PPP2R3B: variants seen among roughly 807,000 people sequenced by gnomAD.
PPP2R3B encodes the protein serine/threonine-protein phosphatase 2A regulatory subunit B'' subunit beta.
In PPP2R3B, 68 loss-of-function variants were observed where a neutral mutation model predicts 72.9. That is an observed-to-expected ratio of 0.93 (90% CI 0.77 to 1.14). PPP2R3B has a LOEUF of 1.14. Ranked by LOEUF, PPP2R3B falls within the 50% of genes most tolerant of loss-of-function variation. The pLI is 0.00. For synonymous variants in PPP2R3B, 466 were observed against 375.8 expected, an observed-to-expected ratio of 1.24 and a Z score of -2.78; for missense variants, 1,018 against 842.0, an observed-to-expected ratio of 1.21 and a Z score of -2.59.
In PPP2R3B at chrX:333,943, G is replaced by A. The variant is rs985387593; in HGVS notation, c.*424C>T. 4.3e-4 allele frequency: 69 copies of A among 159,852 alleles called. No individual in the cohort carries two copies. Among genetic ancestry groups the A allele is most frequent in the African/African-American group, 1.5e-3 (61 of 41,934 alleles). 9.9% of individuals were successfully genotyped at this position (159,852 alleles called of 1,614,324 possible). ...GCCCGTGACTGAAAATCCTCCAAACGTACAAGCGTGATCGCCAGAAACGGT... is the reference window on the plus strand; with the variant it reads ...GCCCGTGACTGAAAATCCTCCAAACATACAAGCGTGATCGCCAGAAACGGT... On this transcript the variant is annotated 3_prime_UTR_variant, in exon 13 of 13. Transcript: ENST00000390665.
chrX:338,465 C>T, intron 12 of PPP2R3B, 139 bp downstream of exon 12: 1 of 846,908 alleles, frequency 1.2e-6, no homozygotes, highest in Admixed American at 2.1e-5. Flanking sequence ...TCACCCCGCC[C>T]CTCTGTGTCC....
At chrX:360,033 T>C (rs1207320614) in intron 2 of PPP2R3B, among the ~76,000 whole-genome samples, 1 of 152,180 alleles carries the variant, frequency 6.6e-6, no homozygotes, top group African/African-American at 2.4e-5. Context: ...CAGACCCGTA[T>C]TGCCCTAAAA....
At position 356,822 on chromosome X, in the gene PPP2R3B, C is replaced by CA. The variant is rs1267223509; in HGVS notation, c.510+4582_510+4583insT. Among the ~76,000 whole-genome samples the CA allele has an allele frequency of 1.3e-3, 106 of 80,094 alleles. 10 individuals are homozygous for CA. The highest frequency in any genetic ancestry group is 5.0e-3 in the African/African-American group (88 of 17,688). 52.5% of individuals were successfully genotyped at this position (80,094 alleles called of 152,430 possible). A position where few individuals can be genotyped will look rare whatever the true frequency, so the allele number is the denominator to read the frequency against. ...AGTATCCACACCCTGGCCAGCCACA[C>CA]GGGAGCCCCACGGTAACCACGCCTT... On this transcript the variant is annotated intron_variant, in intron 2 of 12. Coordinates refer to ENST00000390665, the MANE Select transcript of PPP2R3B (RefSeq NM_013239.5).
At chrX:346,372 C>A in intron 5 of PPP2R3B, 112 bp from the exon 6 acceptor site, 2 of 1,064,692 alleles carry the variant, frequency 1.9e-6, no homozygotes, top group South Asian at 1.4e-5. Context: ...CCGCACGGGG[C>A]CGCCAGGGCA....
intron 2 of PPP2R3B, among the ~76,000 whole-genome samples, chrX:348,939 A>G (rs2071276506): frequency 6.6e-6 from 1 of 152,182 alleles, no homozygotes; most frequent in Non-Finnish European, 1.5e-5. Context: ...GGTCAGGGAC[A>G]CAGGAAGTCA....
At chrX:373,688 G>T in intron 1 of PPP2R3B, 1 of 166,410 alleles carries the variant, frequency 6.0e-6, no homozygotes. Context: ...TCCGCGGGCC[G>T]GGCCGGGCGC....
intron 1 of PPP2R3B, among the ~76,000 whole-genome samples, chrX:362,012 CGT>C (rs2071552286): frequency 6.6e-6 from 1 of 152,172 alleles, no homozygotes; most frequent in Admixed American, 6.5e-5. Context: ...AGAGCTCAGA[CGT>C]GGAGAGGCAC....
chrX:334,456 G>C lies in PPP2R3B; in HGVS notation c.1639C>G (p.Gln547Glu), dbSNP rs377631934. The C allele has an allele frequency of 6.3e-7, 1 of 1,595,306 alleles. No individual in the cohort carries two copies. Among genetic ancestry groups the C allele is most frequent in the African/African-American group, 1.4e-5 (1 of 73,968 alleles). Residue 547 changes from glutamine (Q) to glutamate (E), a missense_variant, in exon 13 of 13, where the codon CAG becomes GAG. Transcript: ENST00000390665. ...KLSALRSPLAQRPFFEAPSPL... is the reference protein window; with the variant it reads ...KLSALRSPLAERPFFEAPSPL... Reference sequence around the variant, plus strand: ...GAGGGCGCCTCGAAGAAGGGCCTCTGGGCCAGCGGGGAGCGCAGCGCACTC... The same window carrying C: ...GAGGGCGCCTCGAAGAAGGGCCTCTCGGCCAGCGGGGAGCGCAGCGCACTC...
At chrX:340,724 T>C (rs1569378504) in intron 10 of PPP2R3B, 41 bp downstream of exon 10, 2 of 1,606,322 alleles carry the variant, frequency 1.2e-6, no homozygotes, top group East Asian at 2.2e-5. Flanking sequence ...CTCTCGCCCG[T>C]CCGTCCCCTC....
rs368716257 is a variant in PPP2R3B, at chrX:363,286, G to C, written c.325-1696C>G. 3.1e-3 allele frequency among the ~76,000 whole-genome samples: 361 copies of C among 118,332 alleles called. 3 individuals carry two copies. Among genetic ancestry groups the C allele is most frequent in the African/African-American group, 7.8e-3 (195 of 25,014 alleles). 77.6% of individuals were successfully genotyped at this position (118,332 alleles called of 152,430 possible). On this transcript the variant is annotated intron_variant, in intron 1 of 12. Coordinates refer to ENST00000390665, the MANE Select transcript of PPP2R3B (RefSeq NM_013239.5). ...CCGCAGTGCATCTCCCCGAGCCCACGATCCCGCAGTGCATCTCCCCGAGCC... is the reference window on the plus strand; with the variant it reads ...CCGCAGTGCATCTCCCCGAGCCCACCATCCCGCAGTGCATCTCCCCGAGCC...
Position 334,259 on chromosome X carries a change from C to T in PPP2R3B, c.*108G>A. ...CTTCTGTGAATAAATAAAAGTTTAT[C>T]ATTCCGTACAAACGCACTCATTTTC... On this transcript the variant is annotated 3_prime_UTR_variant, in exon 13 of 13. Coordinates refer to ENST00000390665, the MANE Select transcript of PPP2R3B (RefSeq NM_013239.5). 1 of 1,239,322 alleles carries T rather than the reference C, an allele frequency of 8.1e-7. No individual in the cohort carries two copies. The allele number at this position is 1,239,322 out of a possible 1,614,324, so 76.8% of individuals were successfully genotyped here.
At chrX:386,248 C>T in intron 1 of PPP2R3B, 120 bp downstream of exon 1, 1 of 770,862 alleles carries the variant, frequency 1.3e-6, no homozygotes, top group Non-Finnish European at 1.8e-6. Flanking sequence ...GGGGAACAGA[C>T]TCAATATGAA....
At position 340,750 on chromosome X, in the gene PPP2R3B, C is replaced by T; in HGVS notation, c.1351+15G>A. 6.2e-7 allele frequency: 1 copy of T among 1,609,588 alleles called. No homozygotes were observed. The highest frequency in any genetic ancestry group is 8.5e-7 in the Non-Finnish European group (1 of 1,178,190). On this transcript the variant is annotated intron_variant, in intron 10 of 12. Coordinates refer to ENST00000390665, the MANE Select transcript of PPP2R3B (RefSeq NM_013239.5). ...CCGTCCCCTCACCCTGGGCCATGCC[C>T]TCACGGGGCATCACCTTCAGTCCTC...
At position 386,540 on chromosome X, in the gene PPP2R3B, TC is replaced by T. The variant is rs1304295545; in HGVS notation, c.151del (p.Asp51ThrfsTer58). The part of the protein sequence containing the change: ...APGRDQPTPG[D>X]GEQPGAWPTA... ...GGGCCAGGCCCCGGGCTGCTCCCCG[TC>T]CCCCGGGGTCGGCTGGTCCCGCCCG... On this transcript the variant is annotated frameshift_variant, in exon 1 of 13. Transcript: ENST00000390665. LOFTEE classifies it high-confidence loss of function. 4 of 1,428,898 alleles carry T rather than the reference TC, an allele frequency of 2.8e-6. No homozygotes were observed. The highest frequency in any genetic ancestry group is 1.4e-5 in the South Asian group (1 of 73,542). The allele number at this position is 1,428,898 out of a possible 1,614,324, so 88.5% of individuals were successfully genotyped here.
At chrX:363,491 T>A (rs2071597596) in intron 1 of PPP2R3B, among the ~76,000 whole-genome samples, 8 of 142,276 alleles carry the variant, frequency 5.6e-5, no homozygotes, top group South Asian at 2.2e-4. Context: ...GAGCCCAGCA[T>A]CCCACAATGC....
chrX:361,578 T>G lies in PPP2R3B; in HGVS notation c.337A>C (p.Lys113Gln). 6.2e-7 allele frequency: 1 copy of G among 1,613,906 alleles called. No homozygotes were observed. The part of the protein sequence containing the change: ...SAGTRVVQTR[K>Q]EEPLPPATSQ... ...GTGGCCGGGGGCAGAGGCTCTTCTTTCCGTGTCTGAACCTGAAGAGTCGAC... is the reference window on the plus strand; with the variant it reads ...GTGGCCGGGGGCAGAGGCTCTTCTTGCCGTGTCTGAACCTGAAGAGTCGAC... The change falls in exon 2 of 13, where the codon AAA (lysine) becomes CAA (glutamine). Residue 113 changes from lysine to glutamine, a missense_variant. Transcript: ENST00000390665.
rs201641619 is a variant in PPP2R3B at position 338,707 on chromosome X, C to T, written c.1474G>A (p.Gly492Ser). 71 of 1,611,830 alleles carry T rather than the reference C, an allele frequency of 4.4e-5. No homozygotes were observed. Among genetic ancestry groups the T allele is most frequent in the African/African-American group, 1.3e-4 (10 of 74,906 alleles). ...GAGAGCTCGGGGCCGCCGCTGTCAC[C>T]GTCCTGGAGGAAGCACACGGGTTAC... ...QKEQISLLRDGDSGGPELSDW... is the reference protein window; with the variant it reads ...QKEQISLLRDSDSGGPELSDW... The change falls in exon 12 of 13, where the codon GGT (glycine) becomes AGT (serine). Residue 492 changes from glycine to serine, a missense_variant. Coordinates refer to ENST00000390665, the MANE Select transcript of PPP2R3B (RefSeq NM_013239.5).
intron 1 of PPP2R3B, among the ~76,000 whole-genome samples, chrX:363,156 C>G (rs1398961930): frequency 6.6e-6 from 1 of 150,864 alleles, no homozygotes; most frequent in Non-Finnish European, 1.5e-5. Flanking sequence ...TAAGGGCACA[C>G]CCCTTCCCTG....
In PPP2R3B at chrX:361,426, A is replaced by G. The variant is rs3813594; in HGVS notation, c.489T>C (p.Asp163=). 960,070 of 1,613,350 alleles carry G rather than the reference A, an allele frequency of 0.6. 287,331 individuals carry two copies. The highest frequency in any genetic ancestry group is 0.69 in the African/African-American group (51,375 of 74,980). ...ARFPHERATM[D]DMGLVAKACG... The stretch of plus-strand genomic sequence containing the variant: ...GTACCTTGGCCACCAGGCCCATGTC[A>G]TCCATGGTGGCCCTCTCGTGGGGGA... Residue 163 remains aspartate, a synonymous_variant, in exon 2 of 13, where the codon GAT becomes GAC. Transcript: ENST00000390665.
Sources: allele counts gnomAD v4.1 joint callset (sites outside exome capture counted in the v4.1 genomes callset), GRCh38; gene constraint gnomAD v4.1.1; transcripts MANE v1.5; gene names NCBI Gene and HGNC (gene_info 2026-07-23, HGNC 2026-07-21).